Variants in SRSF4 observed in about 807,000 individuals in gnomAD.
SRSF4 encodes the protein serine and arginine rich splicing factor 4, also known as serine/arginine-rich splicing factor 4.
In SRSF4, 12 loss-of-function variants were observed where a neutral mutation model predicts 48.8. The observed-to-expected ratio is 0.25, with a 90% CI of 0.16 to 0.40. The LOEUF is 0.40. Among genes scored for constraint, SRSF4 ranks in the 10% least tolerant of loss-of-function variants. The pLI, the probability that SRSF4 is intolerant of heterozygous loss-of-function variation, is 1.00. For synonymous variants in SRSF4, 248 were observed against 232.5 expected (o/e 1.07, Z -0.61); for missense variants, 466 against 667.1 (o/e 0.70, Z 3.32).
chr1:29,148,674 T>C lies in SRSF4; in HGVS notation c.1221A>G (p.Pro407=). 1 of 1,614,122 alleles carries C rather than the reference T, an allele frequency of 6.2e-7. No homozygotes were observed. The highest frequency in any genetic ancestry group is 1.1e-5 in the South Asian group (1 of 91,070). The change falls in exon 6 of 6, where the codon CCA becomes CCG. Residue 407 remains proline, a synonymous_variant. Coordinates refer to ENST00000373795, the MANE Select transcript of SRSF4 (RefSeq NM_005626.5). ...EDTDRSQSRS[P]SRSVSKEREH... ...CCCGCTCCTTTGACACGGAGCGGGA[T>C]GGAGATCTGGACTGGGAGCGGTCAG... is the stretch of plus-strand genomic sequence containing the variant.
chr1:29,150,610 T>A (rs1385448104), intron 4 of SRSF4, among the ~76,000 whole-genome samples: 2 of 152,058 alleles, frequency 1.3e-5, no homozygotes, highest in Admixed American at 6.6e-5. Flanking sequence ...GCACAAACTC[T>A]CTCTTGGGTT....
chr1:29,155,987 T>C (rs1228893410), intron 3 of SRSF4, among the ~76,000 whole-genome samples: 1 of 152,132 alleles, frequency 6.6e-6, no homozygotes, highest in Non-Finnish European at 1.5e-5. Context: ...TGAGCCGAGA[T>C]AGTGTCACTG....
At chr1:29,169,207 T>A (rs566840686) in intron 1 of SRSF4, 4 of 152,184 alleles carry the variant, frequency 2.6e-5, no homozygotes, top group Non-Finnish European at 4.4e-5. Flanking sequence ...GAAACTAACT[T>A]AGAGGAGTTG....
At position 29,148,665 on chromosome 1, in the gene SRSF4, G is replaced by T; in HGVS notation, c.1230C>A (p.Ser410=). The T allele has an allele frequency of 1.2e-6, 2 of 1,614,036 alleles. No homozygotes were observed. Among genetic ancestry groups the T allele is most frequent in the Non-Finnish European group, 1.7e-6 (2 of 1,180,006 alleles). ...DRSQSRSPSR[S]VSKEREHAKS... ...TGGCATGTTCCCGCTCCTTTGACACGGAGCGGGATGGAGATCTGGACTGGG... is the reference window on the plus strand; with the variant it reads ...TGGCATGTTCCCGCTCCTTTGACACTGAGCGGGATGGAGATCTGGACTGGG... The change falls in exon 6 of 6, where the codon TCC becomes TCA. Residue 410 remains serine, a synonymous_variant. Transcript: ENST00000373795.
At chr1:29,176,515 T>G (rs1050839485) in intron 1 of SRSF4, among the ~76,000 whole-genome samples, 1 of 149,940 alleles carries the variant, frequency 6.7e-6, no homozygotes, top group Non-Finnish European at 1.5e-5. Flanking sequence ...AAAAAAATAC[T>G]GTAACAGCTC....
At chr1:29,176,439 A>T (rs1367837393) in intron 1 of SRSF4, among the ~76,000 whole-genome samples, 1 of 151,896 alleles carries the variant, frequency 6.6e-6, no homozygotes, top group Non-Finnish European at 1.5e-5. Context: ...GGTAACGATG[A>T]ATGACAGAGC....
At chr1:29,154,665 A>T in intron 4 of SRSF4, 31 bp downstream of exon 4, 1 of 1,597,520 alleles carries the variant, frequency 6.3e-7, no homozygotes. Context: ...ATTTATGATG[A>T]GCTCCAACAC....
chr1:29,174,238 C>A (rs1436825160), intron 1 of SRSF4, among the ~76,000 whole-genome samples: 4 of 150,634 alleles, frequency 2.7e-5, no homozygotes, highest in African/African-American at 9.8e-5. Flanking sequence ...AGCTCTTAAA[C>A]ACCGCAGGTG....
chr1:29,155,375 G>A (rs1451253689), intron 3 of SRSF4, among the ~76,000 whole-genome samples: 2 of 152,122 alleles, frequency 1.3e-5, no homozygotes, highest in Non-Finnish European at 2.9e-5. Context: ...AGGCTGCAGT[G>A]AGCCGTGATC....
chr1:29,176,823 C>A (rs1269572196), intron 1 of SRSF4, among the ~76,000 whole-genome samples: 2 of 152,202 alleles, frequency 1.3e-5, no homozygotes, highest in Non-Finnish European at 2.9e-5. Flanking sequence ...ACCACAACAT[C>A]CCCTGAAAAT....
At chr1:29,173,010 T>C (rs1225915470) in intron 1 of SRSF4, 1 of 152,072 alleles carries the variant, frequency 6.6e-6, no homozygotes, top group Non-Finnish European at 1.5e-5. Flanking sequence ...TGACACAAAA[T>C]TGCACGTAAA....
chr1:29,158,407 A>G (rs991451125), intron 3 of SRSF4, among the ~76,000 whole-genome samples: 1 of 151,492 alleles, frequency 6.6e-6, no homozygotes, highest in Non-Finnish European at 1.5e-5. Flanking sequence ...ACTGGTGAGT[A>G]GCTACACTGC....
chr1:29,161,237 A>G (rs1403297273), intron 1 of SRSF4, among the ~76,000 whole-genome samples: 1 of 152,218 alleles, frequency 6.6e-6, no homozygotes, highest in African/African-American at 2.4e-5. Context: ...ACTAATGCCT[A>G]TTAAAGAGTA....
intron 1 of SRSF4, 125 bp downstream of exon 1, chr1:29,181,521 G>A (rs904404628): frequency 6.2e-6 from 5 of 806,394 alleles, no homozygotes; most frequent in African/African-American, 1.8e-5. Context: ...CCGCCACTAT[G>A]GCGGAGCCTG....
At chr1:29,171,063 T>G (rs1672738434) in intron 1 of SRSF4, 1 of 152,302 alleles carries the variant, frequency 6.6e-6, no homozygotes, top group African/African-American at 2.4e-5. Context: ...TTCAGGGTAC[T>G]ATAAGACCAG....
chr1:29,150,265 AT>A, intron 4 of SRSF4, 73 bp from the exon 5 acceptor site: 12 of 784,150 alleles, frequency 1.5e-5, no homozygotes, highest in East Asian at 3.6e-5. Flanking sequence ...GACTATATAT[AT>A]TATATATATA....
rs866009000 is a variant in SRSF4, at chr1:29,154,729, C to T, written c.545G>A (p.Arg182His). 12 of 1,614,202 alleles carry T rather than the reference C, an allele frequency of 7.4e-6. No homozygotes were observed. The highest frequency in any genetic ancestry group is 5.3e-5 in the African/African-American group (4 of 75,050). Residue 182 changes from arginine (R) to histidine (H), a missense_variant, in exon 4 of 6, where the codon CGC (arginine) becomes CAC (histidine). Physicochemically the swap from Arg to His is conservative, Grantham distance 29 (BLOSUM62 0). This residue lies in a region of SRSF4 where 402 missense variants were observed against 437.0 expected (regional missense o/e 0.92). Coordinates refer to ENST00000373795, the MANE Select transcript of SRSF4 (RefSeq NM_005626.5). ...ACTCCGGCTTCTGGAGTAGGACCGG[C>T]GTCGTCTGGAACCTGGCTTGTCTTC... ...LVEDKPGSRR[R>H]RSYSRSRSHS... is the part of the protein sequence containing the mutation.
chr1:29,175,417 C>T (rs1344296625), intron 1 of SRSF4, among the ~76,000 whole-genome samples: 4 of 150,556 alleles, frequency 2.7e-5, no homozygotes, highest in Admixed American at 6.6e-5. Flanking sequence ...AATTTCCGGC[C>T]GGGCGTGGTG....
chr1:29,168,264 C>T (rs1268839521), intron 1 of SRSF4, among the ~76,000 whole-genome samples: 2 of 149,990 alleles, frequency 1.3e-5, no homozygotes, highest in African/African-American at 2.5e-5. Context: ...CTCCTGAGCT[C>T]AGGCAATCCA....
Sources: gnomAD v4.1 joint callset for allele counts (sites outside exome capture counted in the v4.1 genomes callset) on GRCh38, gnomAD v4.1.1 for gene constraint, gnomAD v4.1.1 regional missense constraint, MANE v1.5 for transcripts, NCBI Gene and HGNC (gene_info 2026-07-23, HGNC 2026-07-21) for gene names.